Variants in RAB7A observed in about 807,000 individuals in gnomAD.
RAB7A encodes the protein RAB7A, member RAS oncogene family.
Under a neutral mutation model 24.5 loss-of-function variants are expected in RAB7A, and 2 were observed. The observed-to-expected ratio is 0.08, with a 90% CI of 0.03 to 0.26. The LOEUF is 0.26. RAB7A is among the 10% of genes least tolerant of loss of function. The pLI, the probability that RAB7A is intolerant of heterozygous loss-of-function variation, is 1.00. For missense variants in RAB7A, 118 were observed against 255.7 expected, an observed-to-expected ratio of 0.46 and a Z score of 3.67; for synonymous variants, 100 against 95.9, an observed-to-expected ratio of 1.04 and a Z score of -0.25.
At chr3:128,727,956 CT>C (rs540873200) in intron 1 of RAB7A, among the ~76,000 whole-genome samples, 324 of 144,692 alleles carry the variant, frequency 2.2e-3, no homozygotes, top group Admixed American at 1.9e-3. Flanking sequence ...TCATATTTGT[CT>C]TTTTTTTTTT....
intron 5 of RAB7A, among the ~76,000 whole-genome samples, chr3:128,808,069 A>C (rs2107616302): frequency 6.6e-6 from 1 of 152,216 alleles, no homozygotes; most frequent in South Asian, 2.1e-4. Context: ...CTTAAAAAAA[A>C]ATTATGGCCG....
At chr3:128,807,466 GAC>G in intron 4 of RAB7A, 75 bp from the exon 5 acceptor site, 4 of 1,605,654 alleles carry the variant, frequency 2.5e-6, no homozygotes, top group Non-Finnish European at 3.4e-6. Context: ...GAGGGGCCAT[GAC>G]ACTTCCTGGG....
chr3:128,739,927 A>G (rs1434276325), intron 1 of RAB7A, among the ~76,000 whole-genome samples: 1 of 151,978 alleles, frequency 6.6e-6, no homozygotes, highest in Non-Finnish European at 1.5e-5. Context: ...TTAGCCGGGC[A>G]TGGTGGCACA....
At chr3:128,756,406 G>A (rs1410289156) in intron 1 of RAB7A, among the ~76,000 whole-genome samples, 2 of 151,704 alleles carry the variant, frequency 1.3e-5, no homozygotes, top group East Asian at 3.9e-4. Flanking sequence ...AGGAAATTAA[G>A]AAAGCAGTTA....
intron 5 of RAB7A, among the ~76,000 whole-genome samples, chr3:128,812,483 G>A (rs960968250): frequency 6.6e-6 from 1 of 152,170 alleles, no homozygotes; most frequent in African/African-American, 2.4e-5. Context: ...TGAATGGAAT[G>A]ATTTTTTTCC....
intron 3 of RAB7A, among the ~76,000 whole-genome samples, chr3:128,800,887 AAGGATGACCCTTGTGCTCTTGC>A (rs1214199616): frequency 6.6e-6 from 1 of 152,218 alleles, no homozygotes; most frequent in African/African-American, 2.4e-5. Context: ...ATTGAAGCAA[AAGGATGACCCTTGTGCTCTTGC>A]AGCCAGCTTC....
intron 1 of RAB7A, among the ~76,000 whole-genome samples, chr3:128,763,494 G>C (rs1282874372): frequency 6.6e-6 from 1 of 152,264 alleles, no homozygotes; most frequent in South Asian, 2.1e-4. Context: ...TGGGATTACA[G>C]GCGTGAGCCA....
intron 3 of RAB7A, chr3:128,798,849 TC>T: frequency 8.9e-6 from 2 of 223,924 alleles, no homozygotes; most frequent in African/African-American, 2.7e-5. Flanking sequence ...AAAAAAAGAA[TC>T]CCAGGATTTT....
intron 1 of RAB7A, among the ~76,000 whole-genome samples, chr3:128,740,997 T>C (rs543816739): frequency 6.6e-6 from 1 of 151,634 alleles, no homozygotes; most frequent in East Asian, 1.9e-4. Flanking sequence ...TTAAATTTTG[T>C]AGAAATTTAA....
In RAB7A at chr3:128,760,213, C is replaced by T. The variant is rs527417719; in HGVS notation, c.-9+33854C>T. Among the ~76,000 whole-genome samples the T allele has an allele frequency of 1.1e-4, 16 of 152,238 alleles. No homozygotes were observed. In the South Asian group the frequency reaches 1.9e-3, roughly 18 times the overall value. On this transcript the variant is annotated intron_variant, in intron 1 of 5. Transcript: ENST00000265062. ...GCTGAGCAGGAAAGTCTTCTTTCTCCGCCTGACCGTGCTTGAGATGGGACA... is the reference window on the plus strand; with the variant it reads ...GCTGAGCAGGAAAGTCTTCTTTCTCTGCCTGACCGTGCTTGAGATGGGACA...
chr3:128,787,493 A>G (rs1043061389), intron 1 of RAB7A, among the ~76,000 whole-genome samples: 1 of 152,168 alleles, frequency 6.6e-6, no homozygotes, highest in East Asian at 1.9e-4. Flanking sequence ...GCAAAATGGC[A>G]TGGTAGGACC....
intron 1 of RAB7A, among the ~76,000 whole-genome samples, chr3:128,738,222 G>A (rs1224029182): frequency 6.6e-6 from 1 of 151,942 alleles, no homozygotes; most frequent in Non-Finnish European, 1.5e-5. Flanking sequence ...GATAGTGACA[G>A]GGTCTTGGCC....
At chr3:128,793,421 C>T (rs968191363) in intron 1 of RAB7A, among the ~76,000 whole-genome samples, 1 of 149,270 alleles carries the variant, frequency 6.7e-6, no homozygotes, top group Admixed American at 6.7e-5. Flanking sequence ...CCCAAAGTGC[C>T]GTTATTACAA....
At chr3:128,747,838 G>A (rs2107589598) in intron 1 of RAB7A, among the ~76,000 whole-genome samples, 1 of 151,140 alleles carries the variant, frequency 6.6e-6, no homozygotes, top group South Asian at 2.1e-4. Context: ...TGTGATCTTG[G>A]CTCACTGCAA....
At chr3:128,731,954 G>A (rs538337978) in intron 1 of RAB7A, among the ~76,000 whole-genome samples, 29 of 150,108 alleles carry the variant, frequency 1.9e-4, no homozygotes, top group Non-Finnish European at 3.0e-4. Context: ...GCAGTGAGCC[G>A]GGATCGTGCC....
At chr3:128,764,422 A>G in intron 1 of RAB7A, 1 of 735,484 alleles carries the variant, frequency 1.4e-6, no homozygotes, top group Non-Finnish European at 2.5e-6. Flanking sequence ...TGCCTTAGTG[A>G]CCAGGGAATT....
At position 128,810,230 on chromosome 3, in the gene RAB7A, G is replaced by A. The variant is rs1003058143; in HGVS notation, c.528+2559G>A. Among the ~76,000 whole-genome samples the A allele has an allele frequency of 9.2e-5, 14 of 152,106 alleles. No individual in the cohort carries two copies. In the South Asian group the frequency reaches 1.7e-3, roughly 18 times the overall value. The stretch of plus-strand genomic sequence containing the variant: ...CAAAGTGCTGGGGTTACAGGCATGA[G>A]CCACCGCACCCGGCCTGCCACATTT... On this transcript the variant is annotated intron_variant, in intron 5 of 5. Transcript: ENST00000265062.
chr3:128,799,729 A>G (rs1400961611), intron 3 of RAB7A, among the ~76,000 whole-genome samples: 6 of 152,172 alleles, frequency 3.9e-5, no homozygotes, highest in African/African-American at 4.8e-5. Flanking sequence ...GGCCCAAGAA[A>G]TTGGCAAAGC....
chr3:128,753,640 T>TG (rs2070706779), intron 1 of RAB7A, among the ~76,000 whole-genome samples: 1 of 152,054 alleles, frequency 6.6e-6, no homozygotes, highest in African/African-American at 2.4e-5. Flanking sequence ...GCAGATACAG[T>TG]GTTTGATAAG....
Sources: gnomAD v4.1 joint callset for allele counts (sites outside exome capture counted in the v4.1 genomes callset) on GRCh38, gnomAD v4.1.1 for gene constraint, MANE v1.5 for transcripts, NCBI Gene and HGNC (gene_info 2026-07-23, HGNC 2026-07-21) for gene names.